AREL1: variants seen among roughly 807,000 people sequenced by gnomAD.
AREL1 encodes the protein apoptosis resistant E3 ubiquitin protein ligase 1.
A neutral mutation model predicts 99.0 loss-of-function variants in AREL1; 62 were observed. The ratio of observed to expected loss-of-function variants is 0.63; its 90% CI spans 0.51 to 0.77. The LOEUF is 0.77. AREL1 is among the 30% of genes least tolerant of loss of function. The probability of loss-of-function intolerance (pLI) is 0.00; values close to 1 mark genes in which losing one functional copy is unlikely to be tolerated. For synonymous variants in AREL1, 380 were observed against 376.5 expected, an observed-to-expected ratio of 1.01 and a Z score of -0.11; for missense variants, 879 against 1,027.6, an observed-to-expected ratio of 0.86 and a Z score of 1.98.
chr14:74,677,352 C>T (rs1051300094), intron 5 of AREL1, among the ~76,000 whole-genome samples: 10 of 151,852 alleles, frequency 6.6e-5, no homozygotes, highest in Admixed American at 2.0e-4. Context: ...TAAAAATTAG[C>T]CAGGCATGGT....
chr14:74,670,537 G>C, intron 13 of AREL1: 2 of 521,602 alleles, frequency 3.8e-6, no homozygotes, highest in Non-Finnish European at 6.8e-6. Flanking sequence ...ATACTATAAT[G>C]TTTTTAGTCA....
At chr14:74,701,327 A>G (rs1175668539) in intron 1 of AREL1, among the ~76,000 whole-genome samples, 1 of 152,190 alleles carries the variant, frequency 6.6e-6, no homozygotes, top group Non-Finnish European at 1.5e-5. Context: ...GTTAATTTAC[A>G]AAGAAAAAGA....
intron 17 of AREL1, among the ~76,000 whole-genome samples, chr14:74,666,272 G>A (rs944871943): frequency 2.0e-5 from 3 of 152,142 alleles, no homozygotes; most frequent in Non-Finnish European, 2.9e-5. Context: ...TAGAAACTAC[G>A]GGAATTTATA....
At chr14:74,665,386 T>G (rs2089192779) in intron 17 of AREL1, among the ~76,000 whole-genome samples, 1 of 152,080 alleles carries the variant, frequency 6.6e-6, no homozygotes, top group Admixed American at 6.5e-5. Flanking sequence ...TAGCTGGGAT[T>G]ACAGGCGAGG....
chr14:74,708,641 T>C (rs1266599304), intron 1 of AREL1, among the ~76,000 whole-genome samples: 1 of 152,140 alleles, frequency 6.6e-6, no homozygotes, highest in East Asian at 1.9e-4. Context: ...AAAAGTACAA[T>C]ATATAGAAAA....
Position 74,670,788 on chromosome 14 carries a change from G to T in AREL1, c.1582C>A (p.Arg528=). The T allele has an allele frequency of 6.2e-7, 1 of 1,614,020 alleles. No individual in the cohort carries two copies. ...AATGCTTGGTTGTTGTCACTGAACC[G>T]GGTGAAGAGCTGATTGGTGGTATCA... The part of the protein sequence containing the change: ...LFDTTNQLFT[R]FSDNNQALVH... Residue 528 remains arginine (R), a synonymous_variant, in exon 13 of 20, where the codon CGG becomes AGG. Coordinates refer to ENST00000356357, the MANE Select transcript of AREL1 (RefSeq NM_001039479.2).
intron 5 of AREL1, among the ~76,000 whole-genome samples, chr14:74,682,209 T>C (rs2089646375): frequency 6.6e-6 from 1 of 152,092 alleles, no homozygotes; most frequent in African/African-American, 2.4e-5. Flanking sequence ...CTTACTCTGC[T>C]ATCAGAGAAA....
At chr14:74,673,622 C>T (rs1019093116) in intron 9 of AREL1, among the ~76,000 whole-genome samples, 4 of 152,138 alleles carry the variant, frequency 2.6e-5, no homozygotes, top group Admixed American at 6.5e-5. Flanking sequence ...AGCCTTTGGG[C>T]AAAAGTTTAG....
Position 74,713,070 on chromosome 14 carries a change from C to G in AREL1, c.-471G>C. ...GGTCTCCACCCGGCCTGGGAACCGG[C>G]TCGGGGGATTGCCCTTTCCCCAAGG... On this transcript the variant is annotated 5_prime_UTR_variant, in exon 1 of 20. Coordinates refer to ENST00000356357, the MANE Select transcript of AREL1 (RefSeq NM_001039479.2). 6.3e-7 allele frequency: 1 copy of G among 1,576,024 alleles called. No individual in the cohort carries two copies. The highest frequency in any genetic ancestry group is 8.7e-7 in the Non-Finnish European group (1 of 1,145,824).
rs1490639902 is a variant in AREL1, at chr14:74,671,406, A to C, written c.1498+2T>G. The C allele has an allele frequency of 1.3e-6, 2 of 1,535,306 alleles. No homozygotes were observed. Among genetic ancestry groups the C allele is most frequent in the Non-Finnish European group, 1.8e-6 (2 of 1,141,372 alleles). On this transcript the variant is annotated splice_donor_variant, in intron 12 of 19. Transcript: ENST00000356357. LOFTEE classifies it high-confidence loss of function. ...AGATGAATATAAAATTTCAAAACTG[A>C]CCTTCTTCATCCTGGAAAACAACCT...
chr14:74,682,848 A>C (rs2089660798), intron 5 of AREL1, among the ~76,000 whole-genome samples: 1 of 152,158 alleles, frequency 6.6e-6, no homozygotes, highest in African/African-American at 2.4e-5. Flanking sequence ...GCCTTCCACC[A>C]TGAGTGGAAG....
At chr14:74,692,889 T>C (rs1410273027) in intron 1 of AREL1, among the ~76,000 whole-genome samples, 5 of 152,078 alleles carry the variant, frequency 3.3e-5, no homozygotes, top group South Asian at 4.1e-4. Flanking sequence ...TTGTGTTTTT[T>C]GTAGAGACGG....
At chr14:74,682,426 A>G (rs1409128863) in intron 5 of AREL1, among the ~76,000 whole-genome samples, 1 of 152,232 alleles carries the variant, frequency 6.6e-6, no homozygotes, top group Non-Finnish European at 1.5e-5. Context: ...CTTGTACACA[A>G]ATGTTCACAG....
chr14:74,702,863 G>C (rs767562641), intron 1 of AREL1, among the ~76,000 whole-genome samples: 13 of 152,118 alleles, frequency 8.5e-5, no homozygotes, highest in Non-Finnish European at 1.5e-4. Context: ...AGCATAACAA[G>C]AGTGACCTTT....
chr14:74,685,486 G>T (rs1263985094), intron 3 of AREL1, 114 bp downstream of exon 3: 4 of 1,259,742 alleles, frequency 3.2e-6, no homozygotes, highest in South Asian at 1.3e-5. Context: ...ATTCTGGCAC[G>T]ACTAGAAATA....
At position 74,683,491 on chromosome 14, in the gene AREL1, C is replaced by T. The variant is rs1304830440; in HGVS notation, c.286G>A (p.Val96Met). 2 of 1,614,110 alleles carry T rather than the reference C, an allele frequency of 1.2e-6. No homozygotes were observed. The highest frequency in any genetic ancestry group is 2.2e-5 in the East Asian group (1 of 44,872). ...TGAGAGATGTGAACTCTTAGTCCCACAGGCCGATGTGCAGGGAAAGGCTGC... is the reference window on the plus strand; with the variant it reads ...TGAGAGATGTGAACTCTTAGTCCCATAGGCCGATGTGCAGGGAAAGGCTGC... Reference protein sequence around the residue: ...NGQPFPAHRPVGLRVHISHVE... With the variant: ...NGQPFPAHRPMGLRVHISHVE... Residue 96 changes from valine to methionine, a missense_variant, in exon 5 of 20, where the codon GTG becomes ATG. Physicochemically the swap from Val to Met is conservative, Grantham distance 21. Transcript: ENST00000356357.
At chr14:74,685,498 T>G in intron 3 of AREL1, 102 bp downstream of exon 3, 1 of 1,375,054 alleles carries the variant, frequency 7.3e-7, no homozygotes, top group South Asian at 1.2e-5. Context: ...CTAGAAATAT[T>G]TTCAGCTCCA....
rs753842281 is a variant in AREL1 at position 74,713,043 on chromosome 14, T to C, written c.-444A>G. The stretch of plus-strand genomic sequence containing the variant: ...ACTCTCCCACCAACAGACCCCAGAG[T>C]TGGTCTCCACCCGGCCTGGGAACCG... On this transcript the variant is annotated 5_prime_UTR_variant, in exon 1 of 20. Transcript: ENST00000356357. 1 of 1,295,364 alleles carries C rather than the reference T, an allele frequency of 7.7e-7. No homozygotes were observed. Among genetic ancestry groups the C allele is most frequent in the Non-Finnish European group, 1.1e-6 (1 of 894,618 alleles). 80.2% of individuals were successfully genotyped at this position (1,295,364 alleles called of 1,614,324 possible).
At chr14:74,671,823 C>G (rs975434575) in intron 11 of AREL1, 2 of 233,434 alleles carry the variant, frequency 8.6e-6, no homozygotes, top group African/African-American at 4.6e-5. Flanking sequence ...AGTCAGTAAG[C>G]TGTAGGCAAA....
Sources: allele counts gnomAD v4.1 joint callset (sites outside exome capture counted in the v4.1 genomes callset), GRCh38; gene constraint gnomAD v4.1.1; transcripts MANE v1.5; gene names NCBI Gene and HGNC (gene_info 2026-07-23, HGNC 2026-07-21).